The following ATP2A2 variants were observed in gnomAD, a reference collection of about 807,000 sequenced individuals.
ATP2A2 encodes the protein ATPase sarcoplasmic/endoplasmic reticulum Ca2+ transporting 2.
In ATP2A2, 14 loss-of-function variants were observed where a neutral mutation model predicts 109.3. The ratio of observed to expected loss-of-function variants is 0.13; its 90% CI spans 0.08 to 0.20. The LOEUF is 0.20. Among genes scored for constraint, ATP2A2 ranks in the 10% least tolerant of loss-of-function variants. The pLI, the probability that ATP2A2 is intolerant of heterozygous loss-of-function variation, is 1.00. For synonymous variants in ATP2A2, 506 were observed against 490.9 expected (o/e 1.03, Z -0.41); for missense variants, 657 against 1,321.6 (o/e 0.50, Z 7.80).
chr12:110,290,420 C>A (rs922274332), intron 3 of ATP2A2, among the ~76,000 whole-genome samples: 1 of 152,178 alleles, frequency 6.6e-6, no homozygotes, highest in African/African-American at 2.4e-5. Flanking sequence ...ATGGATATTA[C>A]TTGATATGAA....
At chr12:110,302,860 G>T (rs1413863108) in intron 5 of ATP2A2, among the ~76,000 whole-genome samples, 1 of 152,150 alleles carries the variant, frequency 6.6e-6, no homozygotes, top group Non-Finnish European at 1.5e-5. Flanking sequence ...GCCTCCCAAA[G>T]TGCTGGGATT....
chr12:110,296,539 G>A, intron 4 of ATP2A2, 60 bp from the exon 5 acceptor site: 1 of 1,602,582 alleles, frequency 6.2e-7, no homozygotes, highest in Non-Finnish European at 8.5e-7. Flanking sequence ...TATTCCTTGG[G>A]TTAGAAATAA....
At chr12:110,311,595 CAAAAAAAAAAA>C (rs67023919) in intron 5 of ATP2A2, among the ~76,000 whole-genome samples, 22 of 25,222 alleles carry the variant, frequency 8.7e-4, no homozygotes, top group Admixed American at 5.4e-3. Context: ...GACTCCATCT[CAAAAAAAAAAA>C]AAAAAAAAAA....
At chr12:110,298,218 G>A (rs1874174970) in intron 5 of ATP2A2, among the ~76,000 whole-genome samples, 1 of 152,124 alleles carries the variant, frequency 6.6e-6, no homozygotes, top group Non-Finnish European at 1.5e-5. Context: ...AAAGGAAATT[G>A]CCTTGTCCTA....
Position 110,305,020 on chromosome 12 carries a change from G to A in ATP2A2, c.463+8283G>A, listed in dbSNP as rs112981283. ...ATGATCTCGGCTCAGTGCAACCTCCGCCTCCTGGGTTCAAGCGATTCTCCC... is the reference window on the plus strand; with the variant it reads ...ATGATCTCGGCTCAGTGCAACCTCCACCTCCTGGGTTCAAGCGATTCTCCC... On this transcript the variant is annotated intron_variant, in intron 5 of 19. Coordinates refer to ENST00000539276, the MANE Select transcript of ATP2A2 (RefSeq NM_170665.4). Among the ~76,000 whole-genome samples, 14 of 151,770 alleles carry A rather than the reference G, an allele frequency of 9.2e-5. 1 individual carries two copies. Among genetic ancestry groups the A allele is most frequent in the African/African-American group, 3.1e-4 (13 of 41,366 alleles).
chr12:110,317,336 AAATT>A (rs1876773365), intron 5 of ATP2A2, among the ~76,000 whole-genome samples: 1 of 152,204 alleles, frequency 6.6e-6, no homozygotes, highest in South Asian at 2.1e-4. Flanking sequence ...TTGCCACAAT[AAATT>A]AGGTTTTTAA....
chr12:110,299,371 A>G (rs1432858401), intron 5 of ATP2A2, among the ~76,000 whole-genome samples: 1 of 152,190 alleles, frequency 6.6e-6, no homozygotes, highest in Non-Finnish European at 1.5e-5. Context: ...TAGGGAGGCT[A>G]TTTTAGTAGT....
chr12:110,347,370 G>A lies in ATP2A2; in HGVS notation c.*900G>A, dbSNP rs1306899309. 1.6e-6 allele frequency: 2 copies of A among 1,289,066 alleles called. No individual in the cohort carries two copies. Among genetic ancestry groups the A allele is most frequent in the Admixed American group, 4.6e-5 (2 of 43,518 alleles). 79.9% of individuals were successfully genotyped at this position (1,289,066 alleles called of 1,614,324 possible). A position where few individuals can be genotyped will look rare whatever the true frequency, so the allele number is the denominator to read the frequency against. Reference sequence around the variant, plus strand: ...GTAAGTGGCTTACCTGGGACTAACAGACATGTCCAACTTTCTCTCCAGTTC... The same window carrying A: ...GTAAGTGGCTTACCTGGGACTAACAAACATGTCCAACTTTCTCTCCAGTTC... On this transcript the variant is annotated 3_prime_UTR_variant, in exon 20 of 20. Transcript: ENST00000539276.
intron 5 of ATP2A2, among the ~76,000 whole-genome samples, chr12:110,318,920 T>C (rs1876948646): frequency 6.6e-6 from 1 of 152,200 alleles, no homozygotes; most frequent in South Asian, 2.1e-4. Context: ...CGAGTTGGTG[T>C]GCCTGATAGA....
chr12:110,302,418 C>T (rs114068290), intron 5 of ATP2A2, among the ~76,000 whole-genome samples: 43 of 152,144 alleles, frequency 2.8e-4, no homozygotes, highest in African/African-American at 1.0e-3. Flanking sequence ...AATTTAAATC[C>T]ATTTTCCTTT....
Position 110,342,127 on chromosome 12 carries a change from C to A in ATP2A2, c.2098-101C>A. ...AAACTCTTTGCCAAGAGACCTACGG[C>A]TCTATTCATTTTCCTCCTGCTTCCC... On this transcript the variant is annotated intron_variant, in intron 14 of 19. Transcript: ENST00000539276. This position sits in a 1 kb window ranked among gnomAD's most constrained non-coding sequence, Gnocchi z 4.6. The A allele has an allele frequency of 1.5e-6, 2 of 1,321,524 alleles. No homozygotes were observed. Among genetic ancestry groups the A allele is most frequent in the Non-Finnish European group, 2.2e-6 (2 of 917,128 alleles). The allele number at this position is 1,321,524 out of a possible 1,614,324, so 81.9% of individuals were successfully genotyped here. A position where few individuals can be genotyped will look rare whatever the true frequency, so the allele number is the denominator to read the frequency against.
chr12:110,311,601 A>T (rs956630857), intron 5 of ATP2A2, among the ~76,000 whole-genome samples: 1 of 123,674 alleles, frequency 8.1e-6, no homozygotes, highest in Non-Finnish European at 1.8e-5. Flanking sequence ...ATCTCAAAAA[A>T]AAAAAAAAAA....
At chr12:110,287,784 T>G (rs1427234713) in intron 3 of ATP2A2, among the ~76,000 whole-genome samples, 1 of 151,782 alleles carries the variant, frequency 6.6e-6, no homozygotes, top group African/African-American at 2.4e-5. Flanking sequence ...CCGGGTAATT[T>G]TTTGTATTTT....
intron 4 of ATP2A2, among the ~76,000 whole-genome samples, chr12:110,292,329 T>G (rs973973157): frequency 8.5e-5 from 13 of 152,196 alleles, no homozygotes; most frequent in Middle Eastern, 3.4e-3. Flanking sequence ...TGCAATGGTG[T>G]TGTCTCGGCT....
chr12:110,309,961 A>G (rs1875834830), intron 5 of ATP2A2, among the ~76,000 whole-genome samples: 1 of 151,952 alleles, frequency 6.6e-6, no homozygotes, highest in Non-Finnish European at 1.5e-5. Flanking sequence ...AAGAAGCCAC[A>G]GTAATTCTAC....
At chr12:110,292,887 A>G (rs914853627) in intron 4 of ATP2A2, among the ~76,000 whole-genome samples, 1 of 152,162 alleles carries the variant, frequency 6.6e-6, no homozygotes, top group African/African-American at 2.4e-5. Context: ...TATGTCTCCT[A>G]GTTGCTTCCT....
At chr12:110,320,839 T>C (rs1877165320) in intron 5 of ATP2A2, among the ~76,000 whole-genome samples, 1 of 152,212 alleles carries the variant, frequency 6.6e-6, no homozygotes, top group Admixed American at 6.5e-5. Flanking sequence ...GGCTATAGCA[T>C]TGTTTTTATG....
At chr12:110,314,826 G>T (rs1483861809) in intron 5 of ATP2A2, among the ~76,000 whole-genome samples, 1 of 150,472 alleles carries the variant, frequency 6.6e-6, no homozygotes. Flanking sequence ...TTTAGTGAAT[G>T]TTGTACATAA....
At chr12:110,328,094 C>G in intron 8 of ATP2A2, 77 bp downstream of exon 8, 1 of 1,428,826 alleles carries the variant, frequency 7.0e-7, no homozygotes, top group Admixed American at 1.8e-5. Flanking sequence ...GCCATCAAAA[C>G]TTTTGATTTG....
Sources: gnomAD v4.1 joint callset for allele counts (sites outside exome capture counted in the v4.1 genomes callset) on GRCh38, gnomAD v4.1.1 for gene constraint, Gnocchi (gnomAD v3.1) non-coding constraint, MANE v1.5 for transcripts, NCBI Gene and HGNC (gene_info 2026-07-23, HGNC 2026-07-21) for gene names.